RIMS2: variants seen among roughly 807,000 people sequenced by gnomAD.
RIMS2 encodes regulating synaptic membrane exocytosis protein 2.
A neutral mutation model predicts 174.4 loss-of-function variants in RIMS2; 59 were observed. The observed-to-expected ratio is 0.34, with a 90% CI of 0.27 to 0.42. RIMS2 has a LOEUF of 0.42. RIMS2 is among the 10% of genes least tolerant of loss of function. RIMS2 has a pLI of 1.00. For synonymous variants in RIMS2, 606 were observed against 572.5 expected (o/e 1.06, Z -0.84); for missense variants, 1,620 against 1,666.3 (o/e 0.97, Z 0.48).
rs548301075 is a variant in RIMS2 at position 103,678,800 on chromosome 8, A to G, written c.177-18286A>G. On this transcript the variant is annotated intron_variant, in intron 1 of 23. Coordinates refer to ENST00000504942, the Ensembl canonical transcript of RIMS2. Reference sequence around the variant, plus strand: ...GGAAGTCAATTCAATTGAAATACCAATCTATTCATGGACTATCTGGGGGTG... The same window carrying G: ...GGAAGTCAATTCAATTGAAATACCAGTCTATTCATGGACTATCTGGGGGTG... 1.2e-4 allele frequency among the ~76,000 whole-genome samples: 18 copies of G among 152,216 alleles called. No homozygotes were observed. In the South Asian group the frequency reaches 3.3e-3, roughly 28 times the overall value.
rs199658419 is a variant in RIMS2, at chr8:103,575,681, C to CATATATATATAT, written c.176+74620_176+74621insTATATATATATA. ...ATATAAACACACACATACACACACA[C>CATATATATATAT]ACACATATATATATATATACACATA... On this transcript the variant is annotated intron_variant, in intron 1 of 23. Transcript: ENST00000504942. 3.7e-4 allele frequency among the ~76,000 whole-genome samples: 53 copies of CATATATATATAT among 141,884 alleles called. No individual in the cohort carries two copies. The Middle Eastern group carries it at 0.015, about 39-fold the overall frequency. The allele number at this position is 141,884 out of a possible 152,430, so 93.1% of individuals were successfully genotyped here. A position where few individuals can be genotyped will look rare whatever the true frequency, so the allele number is the denominator to read the frequency against.
intron 1 of RIMS2, among the ~76,000 whole-genome samples, chr8:103,512,719 A>G (rs1353171603): frequency 6.6e-6 from 1 of 152,286 alleles, no homozygotes; most frequent in African/African-American, 2.4e-5. Flanking sequence ...CACAGGATTG[A>G]TAGAATTGGC....
chr8:104,146,667 G>C (rs1014465065), intron 19 of RIMS2, among the ~76,000 whole-genome samples: 2 of 152,042 alleles, frequency 1.3e-5, no homozygotes, highest in African/African-American at 4.8e-5. Flanking sequence ...TAGATTAGGT[G>C]GTTCTTTAGA....
intron 19 of RIMS2, among the ~76,000 whole-genome samples, chr8:104,118,677 TAA>T (rs759528245): frequency 5.3e-5 from 8 of 152,092 alleles, no homozygotes; most frequent in Non-Finnish European, 7.4e-5. Flanking sequence ...CCAAAATTCT[TAA>T]GTTTTCATGG....
At chr8:103,621,557 A>T (rs1393281961) in intron 1 of RIMS2, among the ~76,000 whole-genome samples, 1 of 152,262 alleles carries the variant, frequency 6.6e-6, no homozygotes, top group Admixed American at 6.5e-5. Context: ...AGCTAAGAAC[A>T]TAAAGTTCAT....
intron 1 of RIMS2, among the ~76,000 whole-genome samples, chr8:103,648,699 T>C (rs1174514638): frequency 6.6e-6 from 1 of 152,206 alleles, no homozygotes; most frequent in Admixed American, 6.5e-5. Flanking sequence ...ATAATAACTT[T>C]CATTGTCTTT....
At chr8:104,066,392 ATATGTG>A (rs1459639237) in intron 19 of RIMS2, among the ~76,000 whole-genome samples, 1 of 126,884 alleles carries the variant, frequency 7.9e-6, no homozygotes, top group Non-Finnish European at 1.8e-5. Flanking sequence ...TTATATCTAT[ATATGTG>A]TGTGTGTGTG....
At chr8:103,972,942 A>G (rs989690745) in intron 15 of RIMS2, among the ~76,000 whole-genome samples, 2 of 152,216 alleles carry the variant, frequency 1.3e-5, no homozygotes, top group Non-Finnish European at 2.9e-5. Context: ...GATTCTCATT[A>G]ATACCATCCA....
chr8:103,854,043 T>A (rs191760543), intron 3 of RIMS2, among the ~76,000 whole-genome samples: 1 of 152,240 alleles, frequency 6.6e-6, no homozygotes, highest in Admixed American at 6.5e-5. Flanking sequence ...TCCATTTATT[T>A]GTGTAGACCC....
intron 1 of RIMS2, among the ~76,000 whole-genome samples, chr8:103,598,959 A>C (rs916342591): frequency 6.6e-6 from 1 of 152,062 alleles, no homozygotes. Flanking sequence ...CTGTTAGCTA[A>C]AACATATTGA....
chr8:103,808,443 GAA>G (rs1438164749), intron 3 of RIMS2, among the ~76,000 whole-genome samples: 1 of 152,030 alleles, frequency 6.6e-6, no homozygotes, highest in Non-Finnish European at 1.5e-5. Context: ...TTGCTTGGTT[GAA>G]ATCATTACTA....
intron 19 of RIMS2, among the ~76,000 whole-genome samples, chr8:104,195,666 C>T (rs1433651835): frequency 6.6e-6 from 1 of 151,994 alleles, no homozygotes; most frequent in African/African-American, 2.4e-5. Flanking sequence ...AGGCACACGT[C>T]GCCATGCCTG....
chr8:104,082,378 A>G (rs1356205845), intron 19 of RIMS2, among the ~76,000 whole-genome samples: 5 of 152,180 alleles, frequency 3.3e-5, no homozygotes, highest in Admixed American at 3.3e-4. Context: ...ATAATTTTTA[A>G]AAATACACGT....
intron 3 of RIMS2, among the ~76,000 whole-genome samples, chr8:103,804,853 G>A (rs2098639597): frequency 2.0e-5 from 3 of 151,920 alleles, no homozygotes; most frequent in Non-Finnish European, 4.4e-5. Context: ...CTGGAGTGCA[G>A]AGGTACAGTC....
intron 1 of RIMS2, among the ~76,000 whole-genome samples, chr8:103,539,246 C>T (rs1209339702): frequency 1.3e-5 from 2 of 152,168 alleles, no homozygotes; most frequent in Non-Finnish European, 2.9e-5. Flanking sequence ...ACTAAGAAAT[C>T]TTTGATGGCT....
At chr8:103,712,151 C>T (rs2097312851) in intron 2 of RIMS2, among the ~76,000 whole-genome samples, 1 of 149,840 alleles carries the variant, frequency 6.7e-6, no homozygotes, top group African/African-American at 2.5e-5. Context: ...ACCGCCTCAC[C>T]CGCTTAATTT....
chr8:103,591,656 G>A (rs1036483219), intron 1 of RIMS2, among the ~76,000 whole-genome samples: 16 of 151,182 alleles, frequency 1.1e-4, no homozygotes, highest in African/African-American at 3.9e-4. Context: ...TGCAGTATTA[G>A]TTGTTAAACA....
intron 2 of RIMS2, among the ~76,000 whole-genome samples, chr8:103,739,142 A>G (rs1391375305): frequency 2.0e-5 from 3 of 152,210 alleles, no homozygotes; most frequent in South Asian, 2.1e-4. Context: ...ATGTCCATCA[A>G]TGATAGACTG....
chr8:103,700,565 C>T (rs903591052), intron 2 of RIMS2, among the ~76,000 whole-genome samples: 1 of 151,864 alleles, frequency 6.6e-6, no homozygotes, highest in African/African-American at 2.4e-5. Context: ...TTGGATCTTG[C>T]TTTATTATTC....
Sources: allele counts gnomAD v4.1 joint callset (sites outside exome capture counted in the v4.1 genomes callset), GRCh38; gene constraint gnomAD v4.1.1; transcripts MANE v1.5; gene names NCBI Gene and HGNC (gene_info 2026-07-23, HGNC 2026-07-21).